ZNF618: variants seen among roughly 807,000 people sequenced by gnomAD.
ZNF618 encodes neural precursor cell expressed, developmentally down-regulated 10.
In ZNF618, 34 loss-of-function variants were observed where a neutral mutation model predicts 103.0. The ratio of observed to expected loss-of-function variants is 0.33; its 90% CI spans 0.25 to 0.44. The LOEUF is 0.44. Ranked by LOEUF, ZNF618 falls within the 20% of genes least tolerant of loss-of-function variation. The pLI is 1.00. For missense variants in ZNF618, 1,059 were observed against 1,295.4 expected, an observed-to-expected ratio of 0.82 and a Z score of 2.80; for synonymous variants, 551 against 542.2, an observed-to-expected ratio of 1.02 and a Z score of -0.23.
intron 1 of ZNF618, among the ~76,000 whole-genome samples, chr9:113,893,127 T>C (rs982636381): frequency 2.6e-5 from 4 of 152,260 alleles, no homozygotes; most frequent in Admixed American, 2.0e-4. Flanking sequence ...TTAGCTAGAC[T>C]GGCATCAATG....
rs564695694 is a variant in ZNF618 at position 114,044,572 on chromosome 9, G to A, written c.1247-3321G>A. On this transcript the variant is annotated intron_variant, in intron 13 of 14. Transcript: ENST00000374126. ...TTTTAGGATTGTTTTTTCTAGTTCTGTGAAGAATAATGATGTTGTTTTGAT... is the reference window on the plus strand; with the variant it reads ...TTTTAGGATTGTTTTTTCTAGTTCTATGAAGAATAATGATGTTGTTTTGAT... Among the ~76,000 whole-genome samples the A allele has an allele frequency of 1.4e-4, 22 of 152,090 alleles. No individual in the cohort carries two copies. The East Asian group carries it at 4.3e-3, about 29-fold the overall frequency.
intron 1 of ZNF618, among the ~76,000 whole-genome samples, chr9:113,943,103 A>G (rs955191384): frequency 6.6e-6 from 1 of 151,632 alleles, no homozygotes; most frequent in Non-Finnish European, 1.5e-5. Context: ...ATTTCCAACA[A>G]CTCTTCACTC....
chr9:113,988,319 A>G lies in ZNF618; in HGVS notation c.78-2A>G. On this transcript the variant is annotated splice_acceptor_variant, in intron 2 of 14. Coordinates refer to ENST00000374126, the MANE Select transcript of ZNF618 (RefSeq NM_001318042.2). LOFTEE classifies it high-confidence loss of function. ...TATTGAACGGAGTTTCTTCTTTCCC[A>G]GGGAGCGCTTGAAGCGCAGCCAGAA... 7 of 1,610,470 alleles carry G rather than the reference A, an allele frequency of 4.3e-6. No individual in the cohort carries two copies. Among genetic ancestry groups the G allele is most frequent in the Non-Finnish European group, 5.9e-6 (7 of 1,178,664 alleles).
In ZNF618 at chr9:114,052,779, A is replaced by T. The variant is rs1348557379; in HGVS notation, c.*2612A>T. ...TTATTGGGCCAGTTGATTAGAAAAT[A>T]GGCATTTCACTTTCTTGGAAAGCCA... On this transcript the variant is annotated 3_prime_UTR_variant, in exon 15 of 15. Transcript: ENST00000374126. 1 of 152,210 alleles carries T rather than the reference A, an allele frequency of 6.6e-6. No individual in the cohort carries two copies. The highest frequency in any genetic ancestry group is 1.5e-5 in the Non-Finnish European group (1 of 68,050). The allele number at this position is 152,210 out of a possible 1,614,324, so 9.4% of individuals were successfully genotyped here. A position where few individuals can be genotyped will look rare whatever the true frequency, so the allele number is the denominator to read the frequency against.
At chr9:114,036,209 T>G in intron 12 of ZNF618, 91 bp from the exon 13 acceptor site, 2 of 1,218,276 alleles carry the variant, frequency 1.6e-6, no homozygotes, top group Non-Finnish European at 2.4e-6. Context: ...GGTGTGTGTT[T>G]GGGTTCCCAC....
intron 1 of ZNF618, among the ~76,000 whole-genome samples, chr9:113,935,134 C>G (rs915453188): frequency 6.6e-6 from 1 of 152,166 alleles, no homozygotes; most frequent in African/African-American, 2.4e-5. Context: ...GGGCTGCCGA[C>G]GAGGGTCCCC....
intron 6 of ZNF618, 125 bp from the exon 7 acceptor site, chr9:114,007,225 T>C: frequency 1.4e-6 from 1 of 738,656 alleles, no homozygotes. Context: ...GAGAGACTGC[T>C]TCCTCCCTCC....
intron 1 of ZNF618, among the ~76,000 whole-genome samples, chr9:113,889,105 G>A (rs759104158): frequency 6.6e-5 from 10 of 152,114 alleles, no homozygotes; most frequent in African/African-American, 1.2e-4. Context: ...GTGGCTTAAC[G>A]CAACAATGAT....
chr9:113,970,729 A>G (rs775214459), intron 2 of ZNF618, among the ~76,000 whole-genome samples: 2 of 151,766 alleles, frequency 1.3e-5, no homozygotes, highest in Non-Finnish European at 2.9e-5. Flanking sequence ...GACCCTCCGT[A>G]TCAAGGTACC....
chr9:113,879,974 C>T (rs1587909063), intron 1 of ZNF618, among the ~76,000 whole-genome samples: 1 of 152,022 alleles, frequency 6.6e-6, no homozygotes, highest in African/African-American at 2.4e-5. Context: ...TAAGGCTGAC[C>T]TCTCCCTCGT....
intron 1 of ZNF618, among the ~76,000 whole-genome samples, chr9:113,962,599 T>C (rs1324482387): frequency 2.0e-5 from 3 of 152,222 alleles, no homozygotes; most frequent in Non-Finnish European, 4.4e-5. Flanking sequence ...TCTTGCTGTT[T>C]GCCAAGCACA....
chr9:114,037,189 ACCCACATTATAG>A lies in ZNF618; in HGVS notation c.1246+817_1246+828del, dbSNP rs558077732. 1.3e-4 allele frequency among the ~76,000 whole-genome samples: 20 copies of A among 152,142 alleles called. No homozygotes were observed. The South Asian group carries it at 4.0e-3, about 30-fold the overall frequency. On this transcript the variant is annotated intron_variant, in intron 13 of 14. Coordinates refer to ENST00000374126, the MANE Select transcript of ZNF618 (RefSeq NM_001318042.2). The stretch of plus-strand genomic sequence containing the variant: ...TAAACATACAGACCATTTACTTCTC[ACCCACATTATAG>A]CCCAATGCACATGATCTAGTTGGGT...
At chr9:113,903,312 G>C (rs1012867267) in intron 1 of ZNF618, among the ~76,000 whole-genome samples, 2 of 152,342 alleles carry the variant, frequency 1.3e-5, no homozygotes, top group South Asian at 4.1e-4. Context: ...CCCATTTCCA[G>C]TGTGTAAGTC....
intron 1 of ZNF618, among the ~76,000 whole-genome samples, chr9:113,882,909 T>C (rs2130833609): frequency 6.6e-6 from 1 of 152,292 alleles, no homozygotes; most frequent in East Asian, 1.9e-4. Flanking sequence ...CCAGGTAGGC[T>C]TCCTCTCCCT....
At chr9:114,003,759 T>C (rs1214308737) in intron 6 of ZNF618, among the ~76,000 whole-genome samples, 3 of 152,218 alleles carry the variant, frequency 2.0e-5, no homozygotes, top group African/African-American at 4.8e-5. Flanking sequence ...GGTTTCAGTT[T>C]GTGGAAGTTG....
intron 13 of ZNF618, among the ~76,000 whole-genome samples, chr9:114,036,815 C>G (rs1484457262): frequency 1.3e-5 from 2 of 152,250 alleles, no homozygotes; most frequent in African/African-American, 4.8e-5. Context: ...AGAGCAGAGT[C>G]TCATTCACTA....
chr9:113,985,411 C>T (rs529678846), intron 2 of ZNF618, among the ~76,000 whole-genome samples: 34 of 152,344 alleles, frequency 2.2e-4, no homozygotes, highest in African/African-American at 6.5e-4. Flanking sequence ...CCACAGCTGT[C>T]CTCTTGTGAC....
At chr9:114,035,456 G>T (rs1042674384) in intron 12 of ZNF618, among the ~76,000 whole-genome samples, 2 of 152,230 alleles carry the variant, frequency 1.3e-5, no homozygotes, top group Non-Finnish European at 2.9e-5. Flanking sequence ...AGCAGCCTTG[G>T]CTCTGCTGCC....
rs576750198 is a variant in ZNF618 at position 113,998,349 on chromosome 9, C to T, written c.428C>T (p.Ala143Val). The change falls in exon 4 of 15, where the codon GCA (alanine) becomes GTA (valine). Residue 143 changes from alanine (A) to valine (V), a missense_variant. Physicochemically the swap from Ala to Val is moderately conservative, Grantham distance 64. Coordinates refer to ENST00000374126, the MANE Select transcript of ZNF618 (RefSeq NM_001318042.2). ...ATTTTTGACCAAGCATTGAGATATG[C>T]ATCTGGTACGTGATGGCCAAGGGGT... ...TWIFDQALRY[A>V]SGSYECGICG... 15 of 1,550,368 alleles carry T rather than the reference C, an allele frequency of 9.7e-6. No homozygotes were observed. The highest frequency in any genetic ancestry group is 2.4e-5 in the East Asian group (1 of 40,922).
Sources: gnomAD v4.1 joint callset for allele counts (sites outside exome capture counted in the v4.1 genomes callset) on GRCh38, gnomAD v4.1.1 for gene constraint, MANE v1.5 for transcripts, NCBI Gene and HGNC (gene_info 2026-07-23, HGNC 2026-07-21) for gene names.